CCDC178: variants seen among roughly 807,000 people sequenced by gnomAD.
The protein encoded by CCDC178 is coiled-coil domain containing 178.
A neutral mutation model predicts 117.4 loss-of-function variants in CCDC178; 126 were observed. The ratio of observed to expected loss-of-function variants is 1.07; its 90% confidence interval spans 0.93 to 1.24. The LOEUF (loss-of-function observed/expected upper bound fraction) is 1.24. Among genes scored for constraint, CCDC178 ranks in the 50% most tolerant of loss-of-function variants. CCDC178 has a pLI of 0.00. For synonymous variants in CCDC178, 283 were observed against 313.4 expected, an observed-to-expected ratio of 0.90 and a Z score of 1.02; for missense variants, 1,030 against 986.9, an observed-to-expected ratio of 1.04 and a Z score of -0.59.
At chr18:33,383,023 T>C (rs953662960) in intron 5 of CCDC178, among the ~76,000 whole-genome samples, 2 of 152,152 alleles carry the variant, frequency 1.3e-5, no homozygotes, top group African/African-American at 4.8e-5. Flanking sequence ...GAGGGATGAC[T>C]GCCATTTCTG....
chr18:32,941,867 T>G (rs2054246666), intron 22 of CCDC178, among the ~76,000 whole-genome samples: 1 of 152,126 alleles, frequency 6.6e-6, no homozygotes, highest in Admixed American at 6.6e-5. Context: ...CATCAAGGAA[T>G]AAACTTCCAG....
chr18:33,279,139 C>G (rs1255761424), intron 12 of CCDC178, among the ~76,000 whole-genome samples: 1 of 152,064 alleles, frequency 6.6e-6, no homozygotes, highest in Non-Finnish European at 1.5e-5. Context: ...AAAGGGTATT[C>G]AATTAGGAAA....
At chr18:33,160,497 T>G (rs1246795804) in intron 20 of CCDC178, among the ~76,000 whole-genome samples, 1 of 152,130 alleles carries the variant, frequency 6.6e-6, no homozygotes, top group Non-Finnish European at 1.5e-5. Flanking sequence ...CTTAGATAAG[T>G]AGAATTTTCA....
At chr18:33,408,323 AC>A (rs927705404) in intron 3 of CCDC178, among the ~76,000 whole-genome samples, 106 of 152,068 alleles carry the variant, frequency 7.0e-4, no homozygotes, top group African/African-American at 2.2e-3. Context: ...CATTTTAGTC[AC>A]CTTCATTCAA....
At chr18:33,185,107 C>T (rs1001714722) in intron 20 of CCDC178, among the ~76,000 whole-genome samples, 1 of 151,850 alleles carries the variant, frequency 6.6e-6, no homozygotes, top group Non-Finnish European at 1.5e-5. Context: ...GGGTGTGACT[C>T]CTTAGCCCCC....
intron 4 of CCDC178, among the ~76,000 whole-genome samples, 161 bp downstream of exon 4, chr18:33,396,988 T>A (rs184536833): frequency 6.6e-6 from 1 of 152,280 alleles, no homozygotes; most frequent in East Asian, 1.9e-4. Flanking sequence ...AATAGATAAG[T>A]ATTTTTTTAA....
intron 7 of CCDC178, among the ~76,000 whole-genome samples, chr18:33,354,645 C>T (rs1425848346): frequency 6.8e-6 from 1 of 146,898 alleles, no homozygotes; most frequent in Admixed American, 6.8e-5. Context: ...GAGTCTCACT[C>T]TGTCGCCCAG....
Position 33,267,036 on chromosome 18 carries a change from A to C in CCDC178, c.1289T>G (p.Ile430Ser). Residue 430 changes from isoleucine to serine, a missense_variant, in exon 14 of 23, where the codon ATT (isoleucine) becomes AGT (serine). Physicochemically the swap from Ile to Ser is moderately radical, Grantham distance 142 (BLOSUM62 -2). Coordinates refer to ENST00000383096, the MANE Select transcript of CCDC178 (RefSeq NM_001105528.4). ...ATCTTTTGCAACATCAGAAAGCTCA[A>C]TATCCCATGTTTTTTTCTTTAAGAA... is the stretch of plus-strand genomic sequence containing the variant. ...DFYAAKKTWDIELSDVAKDFS... is the reference protein window; with the variant it reads ...DFYAAKKTWDSELSDVAKDFS... The C allele has an allele frequency of 6.3e-7, 1 of 1,589,914 alleles. No homozygotes were observed. The highest frequency in any genetic ancestry group is 8.5e-7 in the Non-Finnish European group (1 of 1,173,416).
At chr18:32,968,392 CATTT>C (rs2054860329) in intron 22 of CCDC178, among the ~76,000 whole-genome samples, 1 of 151,636 alleles carries the variant, frequency 6.6e-6, no homozygotes, top group South Asian at 2.1e-4. Flanking sequence ...TTTATTCATT[CATTT>C]GTTGACAGGC....
At chr18:33,082,882 C>T (rs1265730390) in intron 21 of CCDC178, among the ~76,000 whole-genome samples, 1 of 151,886 alleles carries the variant, frequency 6.6e-6, no homozygotes, top group African/African-American at 2.4e-5. Context: ...TTTCTTAATA[C>T]AAGGTAATAA....
At chr18:33,123,467 CA>C (rs1298169947) in intron 20 of CCDC178, among the ~76,000 whole-genome samples, 2 of 152,152 alleles carry the variant, frequency 1.3e-5, no homozygotes, top group African/African-American at 4.8e-5. Flanking sequence ...TCTCTTACTA[CA>C]AAAACCACCA....
chr18:33,105,794 A>T (rs868662182), intron 20 of CCDC178, among the ~76,000 whole-genome samples: 14 of 151,792 alleles, frequency 9.2e-5, no homozygotes, highest in Middle Eastern at 3.4e-3. Flanking sequence ...TTGGAAGGCT[A>T]ACAGAAATCT....
chr18:33,133,339 T>C (rs566451229), intron 20 of CCDC178, among the ~76,000 whole-genome samples: 2 of 151,996 alleles, frequency 1.3e-5, no homozygotes, highest in South Asian at 4.1e-4. Context: ...TTTTTCTGAT[T>C]CTAGTTTAAA....
chr18:33,278,634 C>A (rs1171316176), intron 12 of CCDC178, among the ~76,000 whole-genome samples: 1 of 152,028 alleles, frequency 6.6e-6, no homozygotes, highest in East Asian at 1.9e-4. Context: ...AATTTACCAA[C>A]CTTCTAGCAT....
chr18:33,221,964 C>A lies in CCDC178; in HGVS notation c.1932+1142G>T, dbSNP rs373030200. ...CTTTTGGAATATTAAAATGTATAGT[C>A]AAATTATATGATACAATATTAATAT... On this transcript the variant is annotated intron_variant, in intron 18 of 22. Coordinates refer to ENST00000383096, the MANE Select transcript of CCDC178 (RefSeq NM_001105528.4). Among the ~76,000 whole-genome samples, 18 of 151,944 alleles carry A rather than the reference C, an allele frequency of 1.2e-4. No homozygotes were observed. In the East Asian group the frequency reaches 2.9e-3, roughly 25 times the overall value.
chr18:33,277,212 C>G (rs2059961624), intron 12 of CCDC178, among the ~76,000 whole-genome samples: 1 of 151,970 alleles, frequency 6.6e-6, no homozygotes, highest in Non-Finnish European at 1.5e-5. Flanking sequence ...CCCAGATAAA[C>G]AATGATGAGT....
chr18:33,419,080 A>G (rs943912133), intron 2 of CCDC178, among the ~76,000 whole-genome samples: 5 of 152,230 alleles, frequency 3.3e-5, no homozygotes, highest in African/African-American at 9.6e-5. Flanking sequence ...CGGTACTGGT[A>G]CAAAAACAGA....
At chr18:33,401,664 C>T (rs780383690) in intron 3 of CCDC178, among the ~76,000 whole-genome samples, 8 of 151,618 alleles carry the variant, frequency 5.3e-5, no homozygotes, top group African/African-American at 9.7e-5. Context: ...TTTAGTCATG[C>T]GTTTAGATTT....
intron 11 of CCDC178, among the ~76,000 whole-genome samples, chr18:33,308,203 G>A (rs2062284426): frequency 6.6e-6 from 1 of 152,222 alleles, no homozygotes; most frequent in African/African-American, 2.4e-5. Context: ...AAAGCCACAG[G>A]TGTGGAGCTG....
Sources: gnomAD v4.1 joint callset for allele counts (sites outside exome capture counted in the v4.1 genomes callset) on GRCh38, gnomAD v4.1.1 for gene constraint, MANE v1.5 for transcripts, NCBI Gene and HGNC (gene_info 2026-07-23, HGNC 2026-07-21) for gene names.